NKD1: variants seen among roughly 807,000 people sequenced by gnomAD.
NKD1 encodes protein naked cuticle homolog 1.
Under a neutral mutation model 56.0 loss-of-function variants are expected in NKD1, and 21 were observed. The observed-to-expected ratio is 0.38, with a 90% CI of 0.27 to 0.54. The LOEUF is 0.54. Ranked by LOEUF, NKD1 falls within the 20% of genes least tolerant of loss-of-function variation. The pLI is 0.82. For synonymous variants in NKD1, 263 were observed against 265.7 expected (o/e 0.99, Z 0.10); for missense variants, 578 against 642.7 (o/e 0.90, Z 1.09).
intron 3 of NKD1, among the ~76,000 whole-genome samples, chr16:50,577,962 C>T (rs1408826070): frequency 3.9e-5 from 6 of 152,180 alleles, no homozygotes; most frequent in Non-Finnish European, 2.9e-5. Flanking sequence ...TTTCTTGACC[C>T]ATGTATTCTT....
rs71928407 is a variant in NKD1 at position 50,623,725 on chromosome 16, C to CTGTGTGTGTGTGTG, written c.367-1734_367-1721dup. ...AAGCTGTCTTGGAAACAGGTAAGTG[C>CTGTGTGTGTGTGTG]TGTGTGTGTGTGTGTGTGTGTGTGT... On this transcript the variant is annotated intron_variant, in intron 5 of 9. Coordinates refer to ENST00000268459, the MANE Select transcript of NKD1 (RefSeq NM_033119.5). This position sits in a 1 kb window ranked among gnomAD's most constrained non-coding sequence, Gnocchi z 4.1. 9.2e-4 allele frequency among the ~76,000 whole-genome samples: 131 copies of CTGTGTGTGTGTGTG among 141,628 alleles called. No homozygotes were observed. Among genetic ancestry groups the CTGTGTGTGTGTGTG allele is most frequent in the Middle Eastern group, 3.6e-3 (1 of 280 alleles). 92.9% of individuals were successfully genotyped at this position (141,628 alleles called of 152,430 possible). A position where few individuals can be genotyped will look rare whatever the true frequency, so the allele number is the denominator to read the frequency against.
intron 6 of NKD1, 127 bp downstream of exon 6, chr16:50,625,707 CCAGGGAGTTGCTGGGAGCT>C: frequency 1.5e-6 from 1 of 657,422 alleles, no homozygotes; most frequent in Non-Finnish European, 2.7e-6. Context: ...GCCGTAACAG[CCAGGGAGTTGCTGGGAGCT>C]CCTGCGAGAT....
intron 3 of NKD1, among the ~76,000 whole-genome samples, chr16:50,580,079 G>A (rs1391780262): frequency 6.6e-6 from 1 of 152,076 alleles, no homozygotes; most frequent in Admixed American, 6.5e-5. Flanking sequence ...CGCTACACAT[G>A]CACTCTAACC....
intron 3 of NKD1, among the ~76,000 whole-genome samples, chr16:50,550,602 G>A (rs528984351): frequency 1.3e-5 from 2 of 152,146 alleles, no homozygotes; most frequent in Admixed American, 6.5e-5. Flanking sequence ...CTCCTCCACC[G>A]CCACTGCTTA....
At chr16:50,574,599 G>T (rs959156353) in intron 3 of NKD1, 1 of 985,378 alleles carries the variant, frequency 1.0e-6, no homozygotes. Context: ...AGCTGGCCTC[G>T]CAGGCCTGGC....
intron 6 of NKD1, among the ~76,000 whole-genome samples, chr16:50,626,931 C>T (rs1053013158): frequency 1.4e-4 from 21 of 152,172 alleles, no homozygotes; most frequent in African/African-American, 5.1e-4. Context: ...CTGGTCTCCT[C>T]ATCCTGGGTC....
chr16:50,604,922 C>T (rs1194359866), intron 3 of NKD1, among the ~76,000 whole-genome samples: 1 of 152,182 alleles, frequency 6.6e-6, no homozygotes, highest in Non-Finnish European at 1.5e-5. Context: ...GATGGGAACC[C>T]TTGACCACTT....
At chr16:50,612,348 G>A (rs1961865414) in intron 4 of NKD1, among the ~76,000 whole-genome samples, 1 of 152,224 alleles carries the variant, frequency 6.6e-6, no homozygotes, top group South Asian at 2.1e-4. Context: ...AGAGAGGGAA[G>A]TGACCTGTCC....
chr16:50,580,768 A>G (rs979906088), intron 3 of NKD1, among the ~76,000 whole-genome samples: 3 of 152,198 alleles, frequency 2.0e-5, no homozygotes, highest in African/African-American at 4.8e-5. Context: ...TTAGCCTGGC[A>G]ATATTCAAGT....
chr16:50,638,694 C>T lies in NKD1; in HGVS notation c.*4913C>T, dbSNP rs1243418020. ...AACCCTCTGCTCAGGGGCTCATACC[C>T]CCAAATGATTTTCCTGATTTATGTA... On this transcript the variant is annotated 3_prime_UTR_variant, in exon 10 of 10. Coordinates refer to ENST00000268459, the MANE Select transcript of NKD1 (RefSeq NM_033119.5). 6.6e-6 allele frequency: 1 copy of T among 152,216 alleles called. No homozygotes were observed. The highest frequency in any genetic ancestry group is 2.4e-5 in the African/African-American group (1 of 41,458). The allele number at this position is 152,216 out of a possible 1,614,324, so 9.4% of individuals were successfully genotyped here. A position where few individuals can be genotyped will look rare whatever the true frequency, so the allele number is the denominator to read the frequency against.
chr16:50,571,482 C>A (rs1431100906), intron 3 of NKD1: 1 of 985,304 alleles, frequency 1.0e-6, no homozygotes, highest in African/African-American at 1.7e-5. Context: ...CACACCCAAA[C>A]AGCCTGTCGG....
chr16:50,644,264 C>T lies in NKD1; in HGVS notation c.*10483C>T, dbSNP rs1341985224. The stretch of plus-strand genomic sequence containing the variant: ...ATCTATGCCTCTAATTATTTGGTTT[C>T]CACCAAAGCACTTGTTCACCAGATT... On this transcript the variant is annotated 3_prime_UTR_variant, in exon 10 of 10. Transcript: ENST00000268459. The T allele has an allele frequency of 6.6e-6, 1 of 152,222 alleles. No individual in the cohort carries two copies. Among genetic ancestry groups the T allele is most frequent in the African/African-American group, 2.4e-5 (1 of 41,460 alleles). The allele number at this position is 152,222 out of a possible 1,614,324, so 9.4% of individuals were successfully genotyped here. A position where few individuals can be genotyped will look rare whatever the true frequency, so the allele number is the denominator to read the frequency against.
At chr16:50,597,703 C>T (rs936261603) in intron 3 of NKD1, among the ~76,000 whole-genome samples, 6 of 152,142 alleles carry the variant, frequency 3.9e-5, no homozygotes, top group African/African-American at 1.2e-4. Context: ...CCCAAATGGC[C>T]CCTCTCACCT....
At chr16:50,554,018 C>G (rs1960445572) in intron 3 of NKD1, 3 of 152,380 alleles carry the variant, frequency 2.0e-5, no homozygotes, top group Admixed American at 6.5e-5. Context: ...GTGTCATCTT[C>G]TTAGCGCTTT....
chr16:50,596,849 G>A (rs929765302), intron 3 of NKD1, among the ~76,000 whole-genome samples: 1 of 152,220 alleles, frequency 6.6e-6, no homozygotes, highest in Non-Finnish European at 1.5e-5. Flanking sequence ...CTGAAGGAGG[G>A]GCAGGAGGGA....
chr16:50,615,612 G>C (rs569109846), intron 4 of NKD1, among the ~76,000 whole-genome samples: 1 of 152,168 alleles, frequency 6.6e-6, no homozygotes, highest in African/African-American at 2.4e-5. Flanking sequence ...ACAGAGAGAC[G>C]GGACTGAGAG....
At chr16:50,585,162 A>T (rs372482345) in intron 3 of NKD1, among the ~76,000 whole-genome samples, 1 of 152,306 alleles carries the variant, frequency 6.6e-6, no homozygotes, top group African/African-American at 2.4e-5. Context: ...AAGGAGGTGG[A>T]TGGGGAAACC....
At chr16:50,576,024 G>A (rs550196151) in intron 3 of NKD1, among the ~76,000 whole-genome samples, 5 of 152,348 alleles carry the variant, frequency 3.3e-5, no homozygotes, top group East Asian at 1.9e-4. Flanking sequence ...AAACCCTGCC[G>A]TAGGGGAGCA....
rs1257341041 is a variant in NKD1 at position 50,607,974 on chromosome 16, G to A, written c.193-320G>A. ...CAGATATCCTTAACTCACTGGTGGG[G>A]AACAGGCAGGGTGTGTGCAAGGAAT... On this transcript the variant is annotated intron_variant, in intron 3 of 9. Transcript: ENST00000268459. 3 of 319,720 alleles carry A rather than the reference G, an allele frequency of 9.4e-6. No homozygotes were observed. The East Asian group carries it at 2.0e-4, about 21-fold the overall frequency. 19.8% of individuals were successfully genotyped at this position (319,720 alleles called of 1,614,324 possible).
Sources: gnomAD v4.1 joint callset for allele counts (sites outside exome capture counted in the v4.1 genomes callset) on GRCh38, gnomAD v4.1.1 for gene constraint, Gnocchi (gnomAD v3.1) non-coding constraint, MANE v1.5 for transcripts, NCBI Gene and HGNC (gene_info 2026-07-23, HGNC 2026-07-21) for gene names.